Variants in CDH10 observed in about 807,000 individuals in gnomAD.
CDH10 encodes the protein cadherin 10.
Under a neutral mutation model 73.1 loss-of-function variants are expected in CDH10, and 30 were observed. The observed-to-expected ratio is 0.41, with a 90% CI of 0.31 to 0.56. CDH10 has a LOEUF of 0.56. CDH10 is among the 20% of genes least tolerant of loss of function. The probability of loss-of-function intolerance (pLI) is 0.27; values close to 1 mark genes in which losing one functional copy is unlikely to be tolerated. For missense variants in CDH10, 815 were observed against 973.7 expected (o/e 0.84, Z 2.17); for synonymous variants, 345 against 348.2 (o/e 0.99, Z 0.10).
intron 2 of CDH10, among the ~76,000 whole-genome samples, chr5:24,542,175 AT>A (rs903947859): frequency 1.3e-5 from 2 of 152,154 alleles, no homozygotes; most frequent in Admixed American, 1.3e-4. Flanking sequence ...GTTTAAGACC[AT>A]TTTAAAAAAT....
Position 24,589,705 on chromosome 5 carries a change from T to C in CDH10, c.231+3555A>G, listed in dbSNP as rs969816335. On this transcript the variant is annotated intron_variant, in intron 2 of 11. Coordinates refer to ENST00000264463, the MANE Select transcript of CDH10 (RefSeq NM_006727.5). ...TACAGTTTAATATCATTATTTACTT[T>C]AGATTTGAAGATATGGAAGCTGAAG... Among the ~76,000 whole-genome samples, 3 of 152,074 alleles carry C rather than the reference T, an allele frequency of 2.0e-5. No individual in the cohort carries two copies. In the East Asian group the frequency reaches 5.8e-4, roughly 29 times the overall value.
chr5:24,571,988 G>A (rs1288631724), intron 2 of CDH10, among the ~76,000 whole-genome samples: 3 of 150,766 alleles, frequency 2.0e-5, no homozygotes, highest in African/African-American at 4.9e-5. Context: ...AAAAAAAATC[G>A]ACAGAAGGGT....
chr5:24,630,636 C>T (rs1747672492), intron 1 of CDH10, among the ~76,000 whole-genome samples: 1 of 149,426 alleles, frequency 6.7e-6, no homozygotes, highest in African/African-American at 2.5e-5. Context: ...CAGCCAGAAC[C>T]CGAGGGCAGA....
At position 24,537,437 on chromosome 5, in the gene CDH10, C is replaced by T. The variant is rs780946509; in HGVS notation, c.469G>A (p.Glu157Lys). 1 of 1,612,780 alleles carries T rather than the reference C, an allele frequency of 6.2e-7. No individual in the cohort carries two copies. The highest frequency in any genetic ancestry group is 8.5e-7 in the Non-Finnish European group (1 of 1,179,028). Reference sequence around the variant, plus strand: ...TAGATTTCTTCTGGGAACGTTGGCTCATTGTCATTGATATCATGAATTTTG... The same window carrying T: ...TAGATTTCTTCTGGGAACGTTGGCTTATTGTCATTGATATCATGAATTTTG... ...VIKIHDINDN[E>K]PTFPEEIYTA... The change falls in exon 3 of 12, where the codon GAG becomes AAG. Residue 157 changes from glutamate (E) to lysine (K), a missense_variant. Glu to Lys is a moderately conservative substitution (Grantham distance 56). Coordinates refer to ENST00000264463, the MANE Select transcript of CDH10 (RefSeq NM_006727.5).
chr5:24,547,733 T>C (rs1478125021), intron 2 of CDH10, among the ~76,000 whole-genome samples: 2 of 152,168 alleles, frequency 1.3e-5, no homozygotes, highest in African/African-American at 4.8e-5. Context: ...CCTCCAGAGA[T>C]TATGGAATTG....
chr5:24,541,231 C>T, intron 2 of CDH10, among the ~76,000 whole-genome samples: 1 of 151,938 alleles, frequency 6.6e-6, no homozygotes, highest in East Asian at 1.9e-4. Context: ...GGACAAAGTT[C>T]TTGAGTTATA....
chr5:24,627,553 G>A (rs1728160764), intron 1 of CDH10, among the ~76,000 whole-genome samples: 1 of 152,000 alleles, frequency 6.6e-6, no homozygotes, highest in Non-Finnish European at 1.5e-5. Context: ...TTTCATTCTG[G>A]CTCTCTTGTT....
At chr5:24,492,620 A>G (rs1401269771) in intron 10 of CDH10, among the ~76,000 whole-genome samples, 197 bp downstream of exon 10, 2 of 152,198 alleles carry the variant, frequency 1.3e-5, no homozygotes, top group Non-Finnish European at 2.9e-5. Flanking sequence ...CCTCTTTCAG[A>G]TATTTTATTA....
rs562532025 is a variant in CDH10, at chr5:24,616,188, GCAAA to G, written c.-123-22579_-123-22576del. Among the ~76,000 whole-genome samples, 36 of 151,822 alleles carry G rather than the reference GCAAA, an allele frequency of 2.4e-4. No individual in the cohort carries two copies. The East Asian group carries it at 2.9e-3, about 12-fold the overall frequency. ...TTTTAGGAAGAGGTATCTAGCCTTGGCAAACAAAGTAAACTTCCATTTTCTCATT... is the reference window on the plus strand; with the variant it reads ...TTTTAGGAAGAGGTATCTAGCCTTGGCAAAGTAAACTTCCATTTTCTCATT... On this transcript the variant is annotated intron_variant, in intron 1 of 11. Coordinates refer to ENST00000264463, the MANE Select transcript of CDH10 (RefSeq NM_006727.5).
intron 2 of CDH10, among the ~76,000 whole-genome samples, chr5:24,581,833 GGATTT>G (rs1745814275): frequency 6.6e-6 from 1 of 151,822 alleles, no homozygotes. Context: ...TTATTTGCTT[GGATTT>G]ATTTTTGGTA....
intron 1 of CDH10, among the ~76,000 whole-genome samples, chr5:24,609,051 T>C (rs939964411): frequency 2.6e-5 from 4 of 152,200 alleles, no homozygotes; most frequent in Admixed American, 2.0e-4. Context: ...TTTTCTTCAG[T>C]GGATTTGCAG....
intron 2 of CDH10, among the ~76,000 whole-genome samples, chr5:24,582,176 A>C (rs1745826294): frequency 6.6e-6 from 1 of 152,152 alleles, no homozygotes; most frequent in African/African-American, 2.4e-5. Flanking sequence ...GTAACAGTGA[A>C]AACTAGGGGA....
At position 24,609,229 on chromosome 5, in the gene CDH10, T is replaced by C. The variant is rs578168337; in HGVS notation, c.-123-15616A>G. 5.3e-5 allele frequency among the ~76,000 whole-genome samples: 8 copies of C among 152,270 alleles called. No homozygotes were observed. In the South Asian group the frequency reaches 1.5e-3, roughly 28 times the overall value. ...CTCAGGGAAATAAATAGAATGCAGA[T>C]CATCAAAGAGGGTCAAGCTATTGAG... is the stretch of plus-strand genomic sequence containing the variant. On this transcript the variant is annotated intron_variant, in intron 1 of 11. Transcript: ENST00000264463.
intron 11 of CDH10, among the ~76,000 whole-genome samples, chr5:24,490,100 A>G (rs1482322981): frequency 6.6e-6 from 1 of 152,166 alleles, no homozygotes; most frequent in African/African-American, 2.4e-5. Flanking sequence ...AACACAGTAA[A>G]CACGTACTAA....
intron 5 of CDH10, among the ~76,000 whole-genome samples, chr5:24,531,407 T>C (rs1743743414): frequency 6.6e-6 from 1 of 152,082 alleles, no homozygotes; most frequent in Admixed American, 6.6e-5. Flanking sequence ...TTGTACTTAG[T>C]TTCTAAAATG....
intron 5 of CDH10, among the ~76,000 whole-genome samples, chr5:24,521,516 A>T (rs1221795479): frequency 6.6e-6 from 1 of 152,070 alleles, no homozygotes; most frequent in Non-Finnish European, 1.5e-5. Flanking sequence ...CTGAGGGAGG[A>T]GAAGAGAATC....
rs2111751086 is a variant in CDH10, at chr5:24,509,645, C to G, written c.1177G>C (p.Val393Leu). 6.2e-7 allele frequency: 1 copy of G among 1,613,540 alleles called. No individual in the cohort carries two copies. Among genetic ancestry groups the G allele is most frequent in the Non-Finnish European group, 8.5e-7 (1 of 1,179,478 alleles). The change falls in exon 7 of 12, where the codon GTT becomes CTT. Residue 393 changes from valine to leucine, a missense_variant. Physicochemically the swap from Val to Leu is conservative, Grantham distance 32 (BLOSUM62 1). Transcript: ENST00000264463. ...VFSRSSYLFE[V>L]HEDIEVGTII... ...GTGCCCACTTCAATATCTTCATGAA[C>G]TTCAAACAGATAGGAGGACCTACTA...
intron 5 of CDH10, among the ~76,000 whole-genome samples, chr5:24,523,502 G>GA (rs1043009657): frequency 3.3e-5 from 5 of 151,716 alleles, no homozygotes; most frequent in Non-Finnish European, 5.9e-5. Context: ...CAAAACAAAA[G>GA]AAAAAAACAT....
chr5:24,534,296 C>A (rs998104438), intron 5 of CDH10, among the ~76,000 whole-genome samples: 1 of 151,972 alleles, frequency 6.6e-6, no homozygotes, highest in Admixed American at 6.6e-5. Context: ...AGGCTGTAGT[C>A]GAATATTTTT....
Sources: allele counts gnomAD v4.1 joint callset (sites outside exome capture counted in the v4.1 genomes callset), GRCh38; gene constraint gnomAD v4.1.1; transcripts MANE v1.5; gene names NCBI Gene and HGNC (gene_info 2026-07-23, HGNC 2026-07-21).